Variants in TIAM1 observed in about 807,000 individuals in gnomAD.
TIAM1 encodes rho guanine nucleotide exchange factor TIAM1.
A neutral mutation model predicts 163.5 loss-of-function variants in TIAM1; 65 were observed. The ratio of observed to expected loss-of-function variants is 0.40; its 90% CI spans 0.33 to 0.49. TIAM1 has a LOEUF of 0.49. TIAM1 is among the 20% of genes least tolerant of loss of function. The pLI is 0.77. For missense variants in TIAM1, 1,789 were observed against 2,044.7 expected (o/e 0.87, Z 2.41); for synonymous variants, 833 against 810.1 (o/e 1.03, Z -0.48).
chr21:31,167,262 T>C (rs560143708), intron 15 of TIAM1, among the ~76,000 whole-genome samples: 2 of 152,078 alleles, frequency 1.3e-5, no homozygotes, highest in East Asian at 1.9e-4. Flanking sequence ...CGGCTAACTT[T>C]TGTATTTTTA....
chr21:31,529,267 A>T (rs1351896041), intron 1 of TIAM1, among the ~76,000 whole-genome samples: 1 of 152,100 alleles, frequency 6.6e-6, no homozygotes, highest in African/African-American at 2.4e-5. Context: ...CAATGGGGAA[A>T]GGTGGAAAAA....
intron 15 of TIAM1, among the ~76,000 whole-genome samples, chr21:31,176,824 A>C (rs2084786586): frequency 6.6e-6 from 1 of 152,088 alleles, no homozygotes; most frequent in African/African-American, 2.4e-5. Flanking sequence ...GCTCCCAACC[A>C]GGGCTGGACA....
In TIAM1 at chr21:31,266,779, G is replaced by A; in HGVS notation, c.194C>T (p.Pro65Leu). The change falls in exon 4 of 28, where the codon CCC (proline) becomes CTC (leucine). Residue 65 changes from proline (P) to leucine (L), a missense_variant. Pro to Leu is a moderately conservative substitution (Grantham distance 98). Coordinates refer to ENST00000541036, the MANE Select transcript of TIAM1 (RefSeq NM_001353694.2). ...STRSSSTPSIPQSLAENGLEP... is the reference protein window; with the variant it reads ...STRSSSTPSILQSLAENGLEP... ...CAGGCCATTTTCAGCCAGGGACTGG[G>A]GGATGCTGGGGGTGCTGCTGGATCG... The A allele has an allele frequency of 6.2e-7, 1 of 1,614,234 alleles. No individual in the cohort carries two copies. Among genetic ancestry groups the A allele is most frequent in the Non-Finnish European group, 8.5e-7 (1 of 1,180,042 alleles).
chr21:31,492,760 CT>C (rs2046510869), intron 1 of TIAM1, among the ~76,000 whole-genome samples: 1 of 145,452 alleles, frequency 6.9e-6, no homozygotes, highest in African/African-American at 2.5e-5. Flanking sequence ...TGATTGAGAC[CT>C]GAGATATTTT....
In TIAM1 at chr21:31,339,247, T is replaced by C. The variant is rs370129738; in HGVS notation, c.-193A>G. On this transcript the variant is annotated 5_prime_UTR_variant, in exon 2 of 28. The change abolishes an upstream ATG in the 5' untranslated region. Transcript: ENST00000541036. ...TTTTGCAAACGCCACACTTACCCCA[T>C]TGGAAACAGAAGAGGCTTTGTCAAG... The C allele has an allele frequency of 1.3e-5, 5 of 398,214 alleles. No individual in the cohort carries two copies. Among genetic ancestry groups the C allele is most frequent in the South Asian group, 1.3e-4 (1 of 7,808 alleles). The allele number at this position is 398,214 out of a possible 1,614,324, so 24.7% of individuals were successfully genotyped here.
At chr21:31,326,704 G>C (rs1404963426) in intron 2 of TIAM1, among the ~76,000 whole-genome samples, 1 of 152,128 alleles carries the variant, frequency 6.6e-6, no homozygotes, top group African/African-American at 2.4e-5. Flanking sequence ...TAGATGAAAG[G>C]CATTTGTTAC....
intron 1 of TIAM1, among the ~76,000 whole-genome samples, chr21:31,510,009 A>G (rs1447678530): frequency 6.6e-6 from 1 of 152,116 alleles, no homozygotes; most frequent in African/African-American, 2.4e-5. Flanking sequence ...CCATCAAAGG[A>G]CCTCCTGACA....
intron 2 of TIAM1, among the ~76,000 whole-genome samples, chr21:31,364,276 G>A (rs56109327): frequency 6.6e-6 from 1 of 152,150 alleles, no homozygotes; most frequent in African/African-American, 2.4e-5. Flanking sequence ...AAGCATCCCA[G>A]GTGGAGTAAA....
At chr21:31,432,574 T>C (rs75812053) in intron 2 of TIAM1, among the ~76,000 whole-genome samples, 1,852 of 152,096 alleles carry the variant, frequency 0.012, 39 homozygotes, top group African/African-American at 0.042. Flanking sequence ...GAAAAAGCCA[T>C]AGGAATGCAG....
chr21:31,514,048 G>A (rs2047300678), intron 1 of TIAM1, among the ~76,000 whole-genome samples: 1 of 151,982 alleles, frequency 6.6e-6, no homozygotes, highest in Non-Finnish European at 1.5e-5. Flanking sequence ...ATCCCCCAAA[G>A]GCCTGCGACA....
chr21:31,494,058 G>A (rs930313827), intron 1 of TIAM1, among the ~76,000 whole-genome samples: 1 of 152,142 alleles, frequency 6.6e-6, no homozygotes, highest in African/African-American at 2.4e-5. Flanking sequence ...GGGATTACAG[G>A]CATGTGCCAC....
At chr21:31,350,014 G>A (rs1454210789) in intron 2 of TIAM1, among the ~76,000 whole-genome samples, 2 of 152,210 alleles carry the variant, frequency 1.3e-5, no homozygotes, top group East Asian at 1.9e-4. Flanking sequence ...TTTCTTAAAC[G>A]ATCTTAGCAT....
In TIAM1 at chr21:31,266,820, G is replaced by A; in HGVS notation, c.153C>T (p.Asn51=). 3 of 1,614,208 alleles carry A rather than the reference G, an allele frequency of 1.9e-6. No homozygotes were observed. The highest frequency in any genetic ancestry group is 2.5e-6 in the Non-Finnish European group (3 of 1,180,040). The change falls in exon 4 of 28, where the codon AAC becomes AAT. Residue 51 remains asparagine (N), a synonymous_variant. Coordinates refer to ENST00000541036, the MANE Select transcript of TIAM1 (RefSeq NM_001353694.2). ...HASSGKVIHR[N]SEVSTRSSST... ...TGCTGGATCGGGTGCTCACTTCGGA[G>A]TTCCTGTGGATCACCTTCCCCGAGG... is the stretch of plus-strand genomic sequence containing the variant.
intron 4 of TIAM1, among the ~76,000 whole-genome samples, chr21:31,254,463 GC>G (rs2071984293): frequency 6.6e-6 from 1 of 152,228 alleles, no homozygotes; most frequent in South Asian, 2.1e-4. Context: ...GGAGGCTGAA[GC>G]GGGTGGATCA....
intron 2 of TIAM1, among the ~76,000 whole-genome samples, chr21:31,365,471 C>T (rs1262087065): frequency 1.3e-5 from 2 of 149,334 alleles, no homozygotes; most frequent in Admixed American, 6.8e-5. Flanking sequence ...TCACTGCAAG[C>T]TCTGCCTCCC....
At chr21:31,289,958 A>C (rs2073955302) in intron 2 of TIAM1, among the ~76,000 whole-genome samples, 1 of 152,182 alleles carries the variant, frequency 6.6e-6, no homozygotes, top group African/African-American at 2.4e-5. Context: ...ATCAATGAGT[A>C]TACTCCTGTC....
intron 2 of TIAM1, among the ~76,000 whole-genome samples, chr21:31,280,702 G>C (rs774213153): frequency 1.1e-4 from 17 of 151,922 alleles, no homozygotes; most frequent in Non-Finnish European, 1.5e-4. Context: ...TATTATTTAA[G>C]ATGAAAATAC....
intron 2 of TIAM1, among the ~76,000 whole-genome samples, chr21:31,428,170 G>A (rs902850808): frequency 1.3e-5 from 2 of 151,970 alleles, no homozygotes; most frequent in South Asian, 2.1e-4. Flanking sequence ...CAGCAGAATC[G>A]CTTGAACCCA....
At chr21:31,500,540 T>C (rs1040278918) in intron 1 of TIAM1, among the ~76,000 whole-genome samples, 6 of 152,190 alleles carry the variant, frequency 3.9e-5, no homozygotes, top group African/African-American at 1.4e-4. Flanking sequence ...TAGCTTGGAA[T>C]ATGACCTTAT....
Sources: allele counts gnomAD v4.1 joint callset (sites outside exome capture counted in the v4.1 genomes callset), GRCh38; gene constraint gnomAD v4.1.1; transcripts MANE v1.5; gene names NCBI Gene and HGNC (gene_info 2026-07-23, HGNC 2026-07-21).